The following GGCX variants were observed in gnomAD, a reference collection of about 807,000 sequenced individuals.
The protein encoded by GGCX is vitamin K-dependent gamma-carboxylase.
In GGCX, 63 loss-of-function variants were observed where a neutral mutation model predicts 88.5. The ratio of observed to expected loss-of-function variants is 0.71; its 90% CI spans 0.58 to 0.88. GGCX has a LOEUF of 0.88. GGCX is among the 40% of genes least tolerant of loss of function. The probability of loss-of-function intolerance (pLI) is 0.00; values close to 1 mark genes in which losing one functional copy is unlikely to be tolerated. For synonymous variants in GGCX, 368 were observed against 365.8 expected, an observed-to-expected ratio of 1.01 and a Z score of -0.07; for missense variants, 805 against 932.9, an observed-to-expected ratio of 0.86 and a Z score of 1.79.
chr2:85,552,368 A>G lies in GGCX; in HGVS notation c.1439+48T>C, dbSNP rs753852766. On this transcript the variant is annotated intron_variant, in intron 10 of 14. Coordinates refer to ENST00000233838, the MANE Select transcript of GGCX (RefSeq NM_000821.7). ...GAAGCAAGGGCTGTTCATCTTGGTAAAAAGAACTGTGCTTCATTTTTTCCC... is the reference window on the plus strand; with the variant it reads ...GAAGCAAGGGCTGTTCATCTTGGTAGAAAGAACTGTGCTTCATTTTTTCCC... The G allele has an allele frequency of 6.3e-6, 10 of 1,580,494 alleles. No homozygotes were observed. In the South Asian group the frequency reaches 1.1e-4, roughly 17 times the overall value.
Position 85,558,428 on chromosome 2 carries a change from C to A in GGCX, c.539+12G>T, listed in dbSNP as rs200243884. On this transcript the variant is annotated intron_variant, in intron 4 of 14. Transcript: ENST00000233838. ...CAGCCAACCCCTCCCCTTTGTCCCC[C>A]CTGACTCATACCAGTAGTGGTTTGC... is the stretch of plus-strand genomic sequence containing the variant. 1 of 1,611,966 alleles carries A rather than the reference C, an allele frequency of 6.2e-7. No individual in the cohort carries two copies. The highest frequency in any genetic ancestry group is 1.3e-5 in the African/African-American group (1 of 75,000).
At position 85,545,738 on chromosome 2, in the gene GGCX, G is replaced by C. The variant is rs990077957; in HGVS notation, c.*4196C>G. The C allele has an allele frequency of 6.6e-6, 1 of 152,118 alleles. No individual in the cohort carries two copies. Among genetic ancestry groups the C allele is most frequent in the African/African-American group, 2.4e-5 (1 of 41,384 alleles). 9.4% of individuals were successfully genotyped at this position (152,118 alleles called of 1,614,324 possible). Reference sequence around the variant, plus strand: ...AAAAACCGCTAAAAGTATTAACCTGGAAGTGGTAATGTCTATCTAAAGTCC... The same window carrying C: ...AAAAACCGCTAAAAGTATTAACCTGCAAGTGGTAATGTCTATCTAAAGTCC... On this transcript the variant is annotated 3_prime_UTR_variant, in exon 15 of 15. Transcript: ENST00000233838.
rs780227691 is a variant in GGCX, at chr2:85,549,965, G to A, written c.2246C>T (p.Ser749Leu). The A allele has an allele frequency of 6.2e-7, 1 of 1,613,534 alleles. No homozygotes were observed. Among genetic ancestry groups the A allele is most frequent in the South Asian group, 1.1e-5 (1 of 91,050 alleles). The change falls in exon 15 of 15, where the codon TCA (serine) becomes TTA (leucine). Residue 749 changes from serine to leucine, a missense_variant. By Grantham distance (145) the Ser-to-Leu change is moderately radical. This residue lies in a region of GGCX where 680 missense variants were observed against 763.7 expected (regional missense o/e 0.89). Coordinates refer to ENST00000233838, the MANE Select transcript of GGCX (RefSeq NM_000821.7). ...CTCTGAGTGGACAGGATCAGGATTT[G>A]ACTCAGGAGGATTAGAATGTGAAGA... ...TDSSHSNPPE[S>L]NPDPVHSEF
At chr2:85,551,728 T>C (rs1691962795) in intron 11 of GGCX, 84 bp downstream of exon 11, 1 of 1,561,368 alleles carries the variant, frequency 6.4e-7, no homozygotes, top group African/African-American at 1.4e-5. Flanking sequence ...AAACATTCCC[T>C]CTCCCCTCCC....
intron 1 of GGCX, 124 bp from the exon 2 acceptor site, chr2:85,561,109 T>TGAGGTTGCCTCAAG: frequency 1.2e-6 from 1 of 842,220 alleles, no homozygotes; most frequent in Non-Finnish European, 2.0e-6. Flanking sequence ...GTTGCCTCAA[T>TGAGGTTGCCTCAAG]GATCTGACTA....
rs188235217 is a variant in GGCX at position 85,547,538 on chromosome 2, A to G, written c.*2396T>C. 1 of 152,336 alleles carries G rather than the reference A, an allele frequency of 6.6e-6. No individual in the cohort carries two copies. The highest frequency in any genetic ancestry group is 1.9e-4 in the East Asian group (1 of 5,188). The allele number at this position is 152,336 out of a possible 1,614,324, so 9.4% of individuals were successfully genotyped here. ...CCATATTTAGAAAAATACTTTTTCA[A>G]GTGTCTTCTCCCAAGTAACTCTTGG... is the stretch of plus-strand genomic sequence containing the variant. On this transcript the variant is annotated 3_prime_UTR_variant, in exon 15 of 15. Coordinates refer to ENST00000233838, the MANE Select transcript of GGCX (RefSeq NM_000821.7).
intron 11 of GGCX, 99 bp downstream of exon 11, chr2:85,551,713 T>G: frequency 4.5e-6 from 7 of 1,566,214 alleles, no homozygotes; most frequent in Non-Finnish European, 6.2e-6. Flanking sequence ...CCCCTTAGGT[T>G]TCAAAAACAT....
At position 85,550,005 on chromosome 2, in the gene GGCX, G is replaced by A. The variant is rs776188016; in HGVS notation, c.2206C>T (p.Pro736Ser). ...RPFEAVGELN[P>S]SNTDSSHSNP... is the part of the protein sequence containing the mutation. ...GAATGTGAAGAATCCGTGTTTGAGG[G>A]ATTCAGTTCTCCAACTGCCTCAAAG... The change falls in exon 15 of 15, where the codon CCC becomes TCC. Residue 736 changes from proline to serine, a missense_variant. Pro to Ser is a moderately conservative substitution (Grantham distance 74). This residue lies in a region of GGCX where 680 missense variants were observed against 763.7 expected (regional missense o/e 0.89). Transcript: ENST00000233838. 1.9e-6 allele frequency: 3 copies of A among 1,612,826 alleles called. No individual in the cohort carries two copies. Among genetic ancestry groups the A allele is most frequent in the African/African-American group, 1.3e-5 (1 of 74,932 alleles).
Position 85,560,962 on chromosome 2 carries a change from C to T in GGCX, c.67G>A (p.Glu23Lys). The change falls in exon 2 of 15, where the codon GAA becomes AAA. Residue 23 changes from glutamate to lysine, a missense_variant. Around this residue, in one of 3 missense-constraint regions of GGCX, gnomAD observed 64 missense variants for 57.4 expected, o/e 1.12. Transcript: ENST00000233838. ...SSDKVQKDKA[E>K]LISGPRQDSR... ...TCCTGCCTGGGCCCTGAGATCAGTT[C>T]AGCCTTGTCTTTCTGTACTTTATCT... 6.2e-7 allele frequency: 1 copy of T among 1,613,896 alleles called. No individual in the cohort carries two copies. The highest frequency in any genetic ancestry group is 8.5e-7 in the Non-Finnish European group (1 of 1,179,744).
intron 6 of GGCX, 176 bp downstream of exon 6, chr2:85,555,308 A>ATATGT (rs1692163590): frequency 1.7e-6 from 1 of 586,658 alleles, no homozygotes; most frequent in African/African-American, 1.9e-5. Flanking sequence ...AAGAGCAGCT[A>ATATGT]GGGCTCAATC....
rs1183729361 is a variant in GGCX at position 85,546,601 on chromosome 2, TCAGGAGGCTGGAGAATCACTTGAACC to T, written c.*3307_*3332del. On this transcript the variant is annotated 3_prime_UTR_variant, in exon 15 of 15. Coordinates refer to ENST00000233838, the MANE Select transcript of GGCX (RefSeq NM_000821.7). ...GGCAGGTGCTTGTAATCCCAGCTAC[TCAGGAGGCTGGAGAATCACTTGAACC>T]CAGGAGGCAGAGGTTGCAGTGAGCC... 2.6e-5 allele frequency: 4 copies of T among 152,126 alleles called. No individual in the cohort carries two copies. The highest frequency in any genetic ancestry group is 7.3e-5 in the African/African-American group (3 of 41,378). 9.4% of individuals were successfully genotyped at this position (152,126 alleles called of 1,614,324 possible). A position where few individuals can be genotyped will look rare whatever the true frequency, so the allele number is the denominator to read the frequency against.
intron 12 of GGCX, 63 bp from the exon 13 acceptor site, chr2:85,551,135 C>G: frequency 2.1e-6 from 3 of 1,448,628 alleles, no homozygotes; most frequent in Non-Finnish European, 2.9e-6. Context: ...TATGGCCTCC[C>G]TACTCTATGA....
In GGCX at chr2:85,546,369, G is replaced by A. The variant is rs747159319; in HGVS notation, c.*3565C>T. The A allele has an allele frequency of 6.6e-6, 1 of 152,092 alleles. No individual in the cohort carries two copies. Among genetic ancestry groups the A allele is most frequent in the Admixed American group, 6.6e-5 (1 of 15,264 alleles). 9.4% of individuals were successfully genotyped at this position (152,092 alleles called of 1,614,324 possible). A position where few individuals can be genotyped will look rare whatever the true frequency, so the allele number is the denominator to read the frequency against. On this transcript the variant is annotated 3_prime_UTR_variant, in exon 15 of 15. Coordinates refer to ENST00000233838, the MANE Select transcript of GGCX (RefSeq NM_000821.7). ...ACCCGGGAGGTGGAGCTTGCAGTGA[G>A]CTGAAATCGTGCCACCACACTCCGG...
Position 85,548,951 on chromosome 2 carries a change from C to G in GGCX, c.*983G>C, listed in dbSNP as rs989409132. 7.2e-5 allele frequency: 11 copies of G among 152,164 alleles called. No individual in the cohort carries two copies. Among genetic ancestry groups the G allele is most frequent in the African/African-American group, 2.7e-4 (11 of 41,438 alleles). The allele number at this position is 152,164 out of a possible 1,614,324, so 9.4% of individuals were successfully genotyped here. ...ATTTCCTTATTTAACTTTGATGCTG[C>G]TATTCTGACTGCTCTCATAACTGCT... On this transcript the variant is annotated 3_prime_UTR_variant, in exon 15 of 15. Transcript: ENST00000233838.
Position 85,550,251 on chromosome 2 carries a change from C to A in GGCX, c.2085-125G>T, listed in dbSNP as rs1355355340. 18 of 743,600 alleles carry A rather than the reference C, an allele frequency of 2.4e-5. No homozygotes were observed. In the Admixed American group the frequency reaches 2.9e-4, roughly 12 times the overall value. The allele number at this position is 743,600 out of a possible 1,614,324, so 46.1% of individuals were successfully genotyped here. On this transcript the variant is annotated intron_variant, in intron 14 of 14. Coordinates refer to ENST00000233838, the MANE Select transcript of GGCX (RefSeq NM_000821.7). ...ACAGGCATATATGGGAATCTCCCCC[C>A]AAGTGACCCTCCATCTCCCAGCTGG...
In GGCX at chr2:85,552,967, G is replaced by C. The variant is rs1277356964; in HGVS notation, c.1259C>G (p.Thr420Ser). Residue 420 changes from threonine (T) to serine (S), a missense_variant, in exon 9 of 15, where the codon ACT becomes AGT. Physicochemically the swap from Thr to Ser is moderately conservative, Grantham distance 58. Around this residue, in one of 3 missense-constraint regions of GGCX, gnomAD observed 680 missense variants for 763.7 expected, o/e 0.89. Transcript: ENST00000233838. Reference sequence around the variant, plus strand: ...AGGGTTAAGGTAGCCCAGTTCGCCAGTGCGGCCATCACGGTAGGTGATCTT... The same window carrying C: ...AGGGTTAAGGTAGCCCAGTTCGCCACTGCGGCCATCACGGTAGGTGATCTT... ...HVKITYRDGR[T>S]GELGYLNPGV... 1.2e-6 allele frequency: 2 copies of C among 1,614,208 alleles called. No homozygotes were observed. Among genetic ancestry groups the C allele is most frequent in the Non-Finnish European group, 1.7e-6 (2 of 1,180,002 alleles).
chr2:85,557,240 T>C (rs1389978998), intron 4 of GGCX, among the ~76,000 whole-genome samples: 1 of 152,188 alleles, frequency 6.6e-6, no homozygotes, highest in Non-Finnish European at 1.5e-5. Context: ...GAATAAATGA[T>C]AAGTGATTTT....
rs1691641874 is a variant in GGCX, at chr2:85,545,939, T to A, written c.*3995A>T. ...TAAATTTCCAAAGGCTTAAATTTCA[T>A]TTATGGCAGGTTGTGTAGAAAATCC... On this transcript the variant is annotated 3_prime_UTR_variant, in exon 15 of 15. Coordinates refer to ENST00000233838, the MANE Select transcript of GGCX (RefSeq NM_000821.7). 1 of 152,204 alleles carries A rather than the reference T, an allele frequency of 6.6e-6. No individual in the cohort carries two copies. The highest frequency in any genetic ancestry group is 1.5e-5 in the Non-Finnish European group (1 of 68,040). 9.4% of individuals were successfully genotyped at this position (152,204 alleles called of 1,614,324 possible).
At chr2:85,554,565 A>C (rs1692123550) in intron 6 of GGCX, 1 of 507,346 alleles carries the variant, frequency 2.0e-6, no homozygotes, top group Non-Finnish European at 3.6e-6. Context: ...TCCTGGGCTC[A>C]AGCAATCCTC....
Sources: allele counts gnomAD v4.1 joint callset (sites outside exome capture counted in the v4.1 genomes callset), GRCh38; gene constraint gnomAD v4.1.1; regional missense constraint gnomAD v4.1.1; transcripts MANE v1.5; gene names NCBI Gene and HGNC (gene_info 2026-07-23, HGNC 2026-07-21).